HFM1: variants seen among roughly 807,000 people sequenced by gnomAD.
HFM1 encodes probable ATP-dependent DNA helicase HFM1.
In HFM1, 169 loss-of-function variants were observed where a neutral mutation model predicts 192.1. The observed-to-expected ratio is 0.88, with a 90% CI of 0.78 to 1.00. HFM1 has a LOEUF of 1.00. Ranked by LOEUF, HFM1 falls within the 50% of genes least tolerant of loss-of-function variation. The pLI is 0.00. For synonymous variants in HFM1, 525 were observed against 537.8 expected (o/e 0.98, Z 0.33); for missense variants, 1,661 against 1,668.0 (o/e 1.00, Z 0.07).
intron 20 of HFM1, among the ~76,000 whole-genome samples, chr1:91,339,688 A>C (rs1321737702): frequency 1.3e-5 from 2 of 152,134 alleles, no homozygotes; most frequent in Non-Finnish European, 2.9e-5. Flanking sequence ...GCCCTGAAAG[A>C]GAGGGAGAGA....
At chr1:91,292,009 T>G (rs1344715255) in intron 30 of HFM1, among the ~76,000 whole-genome samples, 2 of 152,170 alleles carry the variant, frequency 1.3e-5, no homozygotes, top group African/African-American at 4.8e-5. Context: ...CAACACTTCA[T>G]GCTAAAAACT....
At chr1:91,329,860 C>G (rs879650743) in intron 20 of HFM1, among the ~76,000 whole-genome samples, 21 of 152,130 alleles carry the variant, frequency 1.4e-4, no homozygotes, top group Admixed American at 1.3e-3. Flanking sequence ...AAAAGATGTA[C>G]AAAAATGATT....
intron 21 of HFM1, among the ~76,000 whole-genome samples, chr1:91,323,818 C>T (rs1288287901): frequency 2.0e-5 from 3 of 152,072 alleles, no homozygotes; most frequent in Non-Finnish European, 4.4e-5. Context: ...CTTGATTTCT[C>T]CTTAGTTAAG....
intron 4 of HFM1, among the ~76,000 whole-genome samples, chr1:91,393,792 T>C (rs1042094186): frequency 7.9e-5 from 12 of 152,066 alleles, no homozygotes; most frequent in African/African-American, 1.2e-4. Flanking sequence ...ATTAGGAAAA[T>C]GGGTCTCAAA....
At chr1:91,391,907 TCAAACAACCC>T (rs1370571954) in intron 4 of HFM1, among the ~76,000 whole-genome samples, 1 of 149,814 alleles carries the variant, frequency 6.7e-6, no homozygotes, top group African/African-American at 2.4e-5. Flanking sequence ...AAGAAAAAAA[TCAAACAACCC>T]CATTAAAAAG....
rs561323277 is a variant in HFM1, at chr1:91,341,348, G to A, written c.2335+2082C>T. Among the ~76,000 whole-genome samples, 121 of 152,218 alleles carry A rather than the reference G, an allele frequency of 7.9e-4. 1 individual carries two copies. The highest frequency in any genetic ancestry group is 2.8e-3 in the African/African-American group (116 of 41,548). On this transcript the variant is annotated intron_variant, in intron 20 of 38. Transcript: ENST00000370425. ...TCTGAAAGACTTTTCTGAAAATAATGAACTTAAGGCAGAAATCAAGATACT... is the reference window on the plus strand; with the variant it reads ...TCTGAAAGACTTTTCTGAAAATAATAAACTTAAGGCAGAAATCAAGATACT...
rs778990204 is a variant in HFM1 at position 91,358,315 on chromosome 1, T to C, written c.1686-5016A>G. Among the ~76,000 whole-genome samples the C allele has an allele frequency of 4.7e-4, 72 of 152,020 alleles. 1 individual carries two copies. The highest frequency in any genetic ancestry group is 7.4e-5 in the Non-Finnish European group (5 of 68,014). On this transcript the variant is annotated intron_variant, in intron 13 of 38. Coordinates refer to ENST00000370425, the MANE Select transcript of HFM1 (RefSeq NM_001017975.6). ...AAAATTTTTTTTCATAAAATTAGTA[T>C]GGAACCACAATAAACCCTGGATAGT...
chr1:91,309,781 T>C (rs1327131135), intron 30 of HFM1, among the ~76,000 whole-genome samples: 4 of 152,188 alleles, frequency 2.6e-5, no homozygotes, highest in Non-Finnish European at 4.4e-5. Flanking sequence ...TCTCTGAATT[T>C]GATAAGTATG....
intron 30 of HFM1, among the ~76,000 whole-genome samples, chr1:91,292,505 G>T (rs1355575081): frequency 1.3e-5 from 2 of 151,186 alleles, no homozygotes; most frequent in African/African-American, 4.9e-5. Flanking sequence ...GGGATGTGAA[G>T]GACCTCTTCA....
At chr1:91,390,431 C>CA (rs35060980) in intron 4 of HFM1, among the ~76,000 whole-genome samples, 126,998 of 140,374 alleles carry the variant, frequency 0.9, 57,135 homozygotes, top group East Asian at 0.99. Flanking sequence ...GTAAGACTCC[C>CA]AAAGAAAAAA....
intron 4 of HFM1, among the ~76,000 whole-genome samples, chr1:91,390,431 C>CAAAAAAAAAAAAAAAA (rs35060980): frequency 7.1e-6 from 1 of 140,372 alleles, no homozygotes. Context: ...GTAAGACTCC[C>CAAAAAAAAAAAAAAAA]AAAGAAAAAA....
At chr1:91,271,140 G>T (rs1666252571) in intron 34 of HFM1, among the ~76,000 whole-genome samples, 1 of 151,992 alleles carries the variant, frequency 6.6e-6, no homozygotes, top group Non-Finnish European at 1.5e-5. Context: ...CAGGTTACTG[G>T]GATTGATCAA....
intron 30 of HFM1, among the ~76,000 whole-genome samples, chr1:91,293,112 C>T (rs1371048704): frequency 1.3e-5 from 2 of 152,108 alleles, no homozygotes; most frequent in African/African-American, 4.8e-5. Flanking sequence ...AGAAGAAAAC[C>T]TAGGCATTAC....
At position 91,350,804 on chromosome 1, in the gene HFM1, T is replaced by C. The variant is rs1245704703; in HGVS notation, c.2140A>G (p.Ile714Val). The C allele has an allele frequency of 1.3e-5, 21 of 1,609,986 alleles. No homozygotes were observed. The highest frequency in any genetic ancestry group is 1.6e-5 in the Non-Finnish European group (19 of 1,177,072). ...GTTGATCGTATCCATTCCACAGCAA[T>C]ATTCACATCCGTGATGGTATGCAGT... ...IVLHTITDVN[I>V]AVEWIRSTLL... Residue 714 changes from isoleucine (I) to valine (V), a missense_variant, in exon 18 of 39, where the codon ATT (isoleucine) becomes GTT (valine). Transcript: ENST00000370425.
Position 91,337,521 on chromosome 1 carries a change from A to T in HFM1, c.2335+5909T>A, listed in dbSNP as rs115582161. 7.3e-3 allele frequency among the ~76,000 whole-genome samples: 1,112 copies of T among 152,328 alleles called. 16 individuals carry two copies. Among genetic ancestry groups the T allele is most frequent in the African/African-American group, 0.025 (1,050 of 41,576 alleles). On this transcript the variant is annotated intron_variant, in intron 20 of 38. Transcript: ENST00000370425. The stretch of plus-strand genomic sequence containing the variant: ...TACTATGTAAGAAAATTACATCTAC[A>T]TTAATAACAGGCTAAGAAATTACAA...
chr1:91,298,867 G>T lies in HFM1; in HGVS notation c.3391+14482C>A, dbSNP rs371239045. 1.9e-4 allele frequency among the ~76,000 whole-genome samples: 29 copies of T among 152,344 alleles called. 1 individual carries two copies. The South Asian group carries it at 6.0e-3, about 32-fold the overall frequency. On this transcript the variant is annotated intron_variant, in intron 30 of 38. Transcript: ENST00000370425. ...TTGTAAAGACCATCGAGGCTAGGAA[G>T]AAACTGCATCCACTAATGAGCAAAA...
At chr1:91,286,541 A>G (rs1198790059) in intron 30 of HFM1, among the ~76,000 whole-genome samples, 1 of 152,174 alleles carries the variant, frequency 6.6e-6, no homozygotes, top group Non-Finnish European at 1.5e-5. Flanking sequence ...GCCTTTTCAT[A>G]TAAGGACACC....
chr1:91,264,404 G>T (rs533725920), intron 36 of HFM1, among the ~76,000 whole-genome samples: 2 of 53,292 alleles, frequency 3.8e-5, no homozygotes, highest in African/African-American at 1.7e-4. Flanking sequence ...ACGGAGTCTC[G>T]CTCTGTGGCC....
rs570378422 is a variant in HFM1, at chr1:91,277,849, A to G, written c.3392-787T>C. On this transcript the variant is annotated intron_variant, in intron 30 of 38. Coordinates refer to ENST00000370425, the MANE Select transcript of HFM1 (RefSeq NM_001017975.6). Reference sequence around the variant, plus strand: ...CTTTATATATAATATATACTAATATATATTATATATACTTTATATATATAA... The same window carrying G: ...CTTTATATATAATATATACTAATATGTATTATATATACTTTATATATATAA... Among the ~76,000 whole-genome samples, 28 of 120,884 alleles carry G rather than the reference A, an allele frequency of 2.3e-4. No homozygotes were observed. The South Asian group carries it at 6.3e-3, about 27-fold the overall frequency. The allele number at this position is 120,884 out of a possible 152,430, so 79.3% of individuals were successfully genotyped here. A position where few individuals can be genotyped will look rare whatever the true frequency, so the allele number is the denominator to read the frequency against.
Sources: gnomAD v4.1 joint callset for allele counts (sites outside exome capture counted in the v4.1 genomes callset) on GRCh38, gnomAD v4.1.1 for gene constraint, MANE v1.5 for transcripts, NCBI Gene and HGNC (gene_info 2026-07-23, HGNC 2026-07-21) for gene names.